BMPER: variants seen among roughly 807,000 people sequenced by gnomAD.
The protein encoded by BMPER is BMP-binding endothelial regulator protein.
Under a neutral mutation model 87.3 loss-of-function variants are expected in BMPER, and 45 were observed. The observed-to-expected ratio is 0.52, with a 90% CI of 0.41 to 0.66. The LOEUF is 0.66. Among genes scored for constraint, BMPER ranks in the 30% least tolerant of loss-of-function variants. BMPER has a pLI of 0.00. For synonymous variants in BMPER, 326 were observed against 316.2 expected, an observed-to-expected ratio of 1.03 and a Z score of -0.33; for missense variants, 784 against 867.5, an observed-to-expected ratio of 0.90 and a Z score of 1.21.
intron 6 of BMPER, among the ~76,000 whole-genome samples, chr7:34,004,872 T>C (rs1349046039): frequency 2.0e-5 from 3 of 152,114 alleles, no homozygotes; most frequent in Non-Finnish European, 4.4e-5. Flanking sequence ...GTTTTGAGCC[T>C]TCTTAGGTGT....
chr7:33,950,775 A>G (rs777960350), intron 3 of BMPER, among the ~76,000 whole-genome samples: 4 of 152,140 alleles, frequency 2.6e-5, no homozygotes, highest in Non-Finnish European at 5.9e-5. Context: ...GGATTGCACA[A>G]AGTAGGTGTA....
chr7:34,080,372 G>A (rs1788980807), intron 12 of BMPER, among the ~76,000 whole-genome samples: 1 of 152,184 alleles, frequency 6.6e-6, no homozygotes, highest in Admixed American at 6.5e-5. Context: ...AACTAAGGCA[G>A]GAAACCAAGA....
chr7:33,958,113 G>T (rs979104328), intron 3 of BMPER, among the ~76,000 whole-genome samples: 3 of 152,120 alleles, frequency 2.0e-5, no homozygotes, highest in Admixed American at 2.0e-4. Context: ...TTCTTAGGCT[G>T]CTACTATGCA....
chr7:33,983,959 C>T (rs1785929141), intron 6 of BMPER, among the ~76,000 whole-genome samples: 1 of 152,148 alleles, frequency 6.6e-6, no homozygotes, highest in Admixed American at 6.5e-5. Flanking sequence ...AAACTCATAC[C>T]AGATTTCAGC....
intron 6 of BMPER, among the ~76,000 whole-genome samples, chr7:33,986,134 C>T (rs951675627): frequency 6.6e-6 from 1 of 152,158 alleles, no homozygotes; most frequent in Non-Finnish European, 1.5e-5. Context: ...TGATATGACT[C>T]ATTCTTTTGA....
chr7:34,097,609 G>A (rs1417951056), intron 13 of BMPER, among the ~76,000 whole-genome samples: 2 of 152,136 alleles, frequency 1.3e-5, no homozygotes, highest in South Asian at 2.1e-4. Context: ...GATTCAGTGG[G>A]TCTAGGTGGG....
chr7:34,018,383 G>C (rs1787092611), intron 6 of BMPER, among the ~76,000 whole-genome samples: 1 of 151,832 alleles, frequency 6.6e-6, no homozygotes, highest in Non-Finnish European at 1.5e-5. Context: ...GCTTTATATG[G>C]TTCTAGTCTT....
chr7:33,987,596 A>G (rs1381712919), intron 6 of BMPER, among the ~76,000 whole-genome samples: 5 of 152,172 alleles, frequency 3.3e-5, no homozygotes, highest in Non-Finnish European at 5.9e-5. Context: ...TGCACCTTCC[A>G]TATAAGGGGC....
At chr7:33,991,830 T>C (rs1263186919) in intron 6 of BMPER, among the ~76,000 whole-genome samples, 4 of 147,692 alleles carry the variant, frequency 2.7e-5, no homozygotes, top group East Asian at 2.0e-4. Flanking sequence ...TTGTTCTCGT[T>C]GGTTTCAAAG....
At position 34,065,199 on chromosome 7, in the gene BMPER, A is replaced by ACTCTCTCTCTCTCT. The variant is rs372015069; in HGVS notation, c.1078+3155_1078+3156insTCTCTCTCTCTCTC. On this transcript the variant is annotated intron_variant, in intron 11 of 14. Coordinates refer to ENST00000649409, the MANE Select transcript of BMPER (RefSeq NM_001365308.1). ...CTCTCGGACACACACACACATACAC[A>ACTCTCTCTCTCTCT]CTCACTCTCTCTCTCTCTCTCTCTC... 2.6e-3 allele frequency among the ~76,000 whole-genome samples: 243 copies of ACTCTCTCTCTCTCT among 94,030 alleles called. 4 individuals carry two copies. The highest frequency in any genetic ancestry group is 5.0e-3 in the African/African-American group (127 of 25,450). 61.7% of individuals were successfully genotyped at this position (94,030 alleles called of 152,430 possible). A position where few individuals can be genotyped will look rare whatever the true frequency, so the allele number is the denominator to read the frequency against.
At chr7:33,918,001 G>A (rs12701338) in intron 2 of BMPER, among the ~76,000 whole-genome samples, 5 of 151,906 alleles carry the variant, frequency 3.3e-5, no homozygotes, top group African/African-American at 1.2e-4. Flanking sequence ...TTTTAGCATC[G>A]TTTATTTTTA....
chr7:33,946,566 G>C (rs919298328), intron 3 of BMPER, among the ~76,000 whole-genome samples: 1 of 152,176 alleles, frequency 6.6e-6, no homozygotes, highest in Non-Finnish European at 1.5e-5. Context: ...AACTTGTTAA[G>C]GTACCAGTTT....
At chr7:34,013,562 A>G (rs1786939387) in intron 6 of BMPER, among the ~76,000 whole-genome samples, 1 of 151,936 alleles carries the variant, frequency 6.6e-6, no homozygotes, top group Non-Finnish European at 1.5e-5. Context: ...TTGTAAGTGT[A>G]CAATTCCATG....
At chr7:34,020,540 C>T (rs1275850282) in intron 6 of BMPER, among the ~76,000 whole-genome samples, 2 of 151,946 alleles carry the variant, frequency 1.3e-5, no homozygotes, top group Non-Finnish European at 1.5e-5. Flanking sequence ...GATTTTGATC[C>T]TGAAGTTCTG....
chr7:34,109,667 G>A (rs1789911682), intron 13 of BMPER, among the ~76,000 whole-genome samples: 1 of 152,194 alleles, frequency 6.6e-6, no homozygotes, highest in Non-Finnish European at 1.5e-5. Context: ...GTACCAGTTA[G>A]GCTCTGAGGG....
At chr7:33,954,900 T>A (rs1414708403) in intron 3 of BMPER, among the ~76,000 whole-genome samples, 1 of 152,132 alleles carries the variant, frequency 6.6e-6, no homozygotes, top group Non-Finnish European at 1.5e-5. Context: ...CCTTTATCAA[T>A]TTTTTTATTT....
intron 6 of BMPER, among the ~76,000 whole-genome samples, chr7:34,036,725 A>G: frequency 6.6e-6 from 1 of 152,280 alleles, no homozygotes; most frequent in South Asian, 2.1e-4. Context: ...TCATTCTAAA[A>G]TAGACAAAGA....
chr7:34,003,114 G>T (rs1401576417), intron 6 of BMPER, among the ~76,000 whole-genome samples: 1 of 151,218 alleles, frequency 6.6e-6, no homozygotes, highest in East Asian at 1.9e-4. Context: ...ATCATATTTT[G>T]TGTTAAGTAG....
In BMPER at chr7:34,058,267, A is replaced by G. The variant is rs548968449; in HGVS notation, c.1032+104A>G. 550 of 1,068,376 alleles carry G rather than the reference A, an allele frequency of 5.1e-4. 1 individual carries two copies. Among genetic ancestry groups the G allele is most frequent in the Non-Finnish European group, 7.1e-4 (499 of 705,778 alleles). The allele number at this position is 1,068,376 out of a possible 1,614,324, so 66.2% of individuals were successfully genotyped here. A position where few individuals can be genotyped will look rare whatever the true frequency, so the allele number is the denominator to read the frequency against. ...CCGAACACAGACTCCAGCTCCCCCA[A>G]AGCCTCTACATTCCTGACTAGTCAA... On this transcript the variant is annotated intron_variant, in intron 10 of 14. Coordinates refer to ENST00000649409, the MANE Select transcript of BMPER (RefSeq NM_001365308.1).
Sources: gnomAD v4.1 joint callset for allele counts (sites outside exome capture counted in the v4.1 genomes callset) on GRCh38, gnomAD v4.1.1 for gene constraint, MANE v1.5 for transcripts, NCBI Gene and HGNC (gene_info 2026-07-23, HGNC 2026-07-21) for gene names.